The following SCHIP1 variants were observed in gnomAD, a reference collection of about 807,000 sequenced individuals.
SCHIP1 encodes the protein schwannomin interacting protein 1, also known as schwannomin-interacting protein 1.
SCHIP1 carries 8 observed loss-of-function variants against 29.7 expected under a neutral mutation model. That is an observed-to-expected ratio of 0.27 (90% CI 0.16 to 0.49). The LOEUF (loss-of-function observed/expected upper bound fraction) is 0.49. SCHIP1 is among the 20% of genes least tolerant of loss of function. The pLI, the probability that SCHIP1 is intolerant of heterozygous loss-of-function variation, is 0.99. For synonymous variants in SCHIP1, 76 were observed against 94.9 expected, an observed-to-expected ratio of 0.80 and a Z score of 1.16; for missense variants, 193 against 294.6, an observed-to-expected ratio of 0.66 and a Z score of 2.52.
chr3:159,722,181 C>T, the SCHIP1 span: 1 of 198,872 alleles, frequency 5.0e-6, no homozygotes, highest in Non-Finnish European at 1.0e-5. Flanking sequence ...TACCATACCA[C>T]CTATTTTCAT....
chr3:159,801,076 T>C, the SCHIP1 span, among the ~76,000 whole-genome samples: 4 of 152,148 alleles, frequency 2.6e-5, no homozygotes, highest in Non-Finnish European at 5.9e-5. Context: ...TCTGCTTTTC[T>C]TCCTTTTCAC....
chr3:159,392,432 G>C, the SCHIP1 span, among the ~76,000 whole-genome samples: 1 of 151,822 alleles, frequency 6.6e-6, no homozygotes. Flanking sequence ...TCTAGCATTA[G>C]GTATATCTCC....
chr3:159,690,240 T>G, the SCHIP1 span, among the ~76,000 whole-genome samples: 1 of 152,216 alleles, frequency 6.6e-6, no homozygotes. Flanking sequence ...CTTTTTTGGT[T>G]GGTACGCTAT....
chr3:159,584,193 G>T, the SCHIP1 span, among the ~76,000 whole-genome samples: 1 of 152,106 alleles, frequency 6.6e-6, no homozygotes, highest in East Asian at 1.9e-4. Context: ...AAACCCTTTT[G>T]TTATTTAGAA....
the SCHIP1 span, among the ~76,000 whole-genome samples, chr3:159,666,395 G>T: frequency 6.6e-6 from 1 of 152,178 alleles, no homozygotes; most frequent in Admixed American, 6.5e-5. Flanking sequence ...TTCTATAACG[G>T]TGCTATCAAG....
chr3:159,385,045 AT>A, the SCHIP1 span, among the ~76,000 whole-genome samples: 1 of 151,710 alleles, frequency 6.6e-6, no homozygotes, highest in Admixed American at 6.6e-5. Flanking sequence ...AATTTTGTTG[AT>A]CCTTTCAAAA....
the SCHIP1 span, among the ~76,000 whole-genome samples, chr3:159,646,574 G>C: frequency 1.3e-5 from 2 of 152,038 alleles, no homozygotes; most frequent in African/African-American, 4.8e-5. Context: ...CCTTTCACAG[G>C]CCTTACCTTC....
chr3:159,440,924 T>A, the SCHIP1 span, among the ~76,000 whole-genome samples: 1 of 152,166 alleles, frequency 6.6e-6, no homozygotes, highest in Admixed American at 6.6e-5. Context: ...AGCACAACCC[T>A]TCTGACCAGC....
chr3:159,754,866 G>A, the SCHIP1 span, among the ~76,000 whole-genome samples: 1 of 152,158 alleles, frequency 6.6e-6, no homozygotes, highest in Non-Finnish European at 1.5e-5. Flanking sequence ...TTTTCATTCC[G>A]ATTTTTAATT....
At chr3:159,575,345 C>T in the SCHIP1 span, among the ~76,000 whole-genome samples, 1 of 151,988 alleles carries the variant, frequency 6.6e-6, no homozygotes, top group Non-Finnish European at 1.5e-5. Context: ...ATGCTTTTTT[C>T]CCCCACTTCT....
chr3:159,401,339 A>G, the SCHIP1 span: 13 of 968,200 alleles, frequency 1.3e-5, no homozygotes, highest in Non-Finnish European at 1.6e-5. Context: ...TGAGGCATCT[A>G]GACTAAGTGG....
chr3:159,691,106 T>C, the SCHIP1 span, among the ~76,000 whole-genome samples: 2 of 152,146 alleles, frequency 1.3e-5, no homozygotes, highest in East Asian at 1.9e-4. Context: ...TGTCTATTAG[T>C]TCTGCTTGGT....
At chr3:159,319,576 A>G in the SCHIP1 span, among the ~76,000 whole-genome samples, 1 of 152,194 alleles carries the variant, frequency 6.6e-6, no homozygotes, top group Non-Finnish European at 1.5e-5. Context: ...CAATTTATTC[A>G]ATGGATATGT....
the SCHIP1 span, among the ~76,000 whole-genome samples, chr3:159,537,450 G>A: frequency 2.0e-5 from 3 of 152,162 alleles, no homozygotes; most frequent in Admixed American, 1.3e-4. Context: ...TGATGAACCT[G>A]TTTCAATCAC....
chr3:159,744,920 T>G, the SCHIP1 span, among the ~76,000 whole-genome samples: 1 of 151,946 alleles, frequency 6.6e-6, no homozygotes, highest in Non-Finnish European at 1.5e-5. Flanking sequence ...AGGCGGAGCT[T>G]GCAGTGAGCC....
At chr3:159,737,651 T>A in the SCHIP1 span, among the ~76,000 whole-genome samples, 1 of 152,216 alleles carries the variant, frequency 6.6e-6, no homozygotes, top group Non-Finnish European at 1.5e-5. Context: ...AGAAAGAGGT[T>A]AAGTAACCAA....
the SCHIP1 span, among the ~76,000 whole-genome samples, chr3:159,807,755 A>C: frequency 5.3e-5 from 8 of 152,222 alleles, no homozygotes; most frequent in African/African-American, 1.9e-4. Flanking sequence ...TTGCTGGTGC[A>C]TGAGACAGGG....
chr3:159,391,433 G>A, the SCHIP1 span, among the ~76,000 whole-genome samples: 12 of 152,046 alleles, frequency 7.9e-5, no homozygotes, highest in Admixed American at 7.9e-4. Context: ...AGGTACAGTG[G>A]GGCTAAAAAT....
At chr3:159,558,451 G>C in the SCHIP1 span, among the ~76,000 whole-genome samples, 1 of 152,218 alleles carries the variant, frequency 6.6e-6, no homozygotes, top group Non-Finnish European at 1.5e-5. Flanking sequence ...GAATCCAGGA[G>C]AGATTTCTAC....
Sources: gnomAD v4.1 joint callset for allele counts (sites outside exome capture counted in the v4.1 genomes callset) on GRCh38, gnomAD v4.1.1 for gene constraint, MANE v1.5 for transcripts, NCBI Gene and HGNC (gene_info 2026-07-23, HGNC 2026-07-21) for gene names.